DCLK2: variants seen among roughly 807,000 people sequenced by gnomAD.
DCLK2 encodes serine/threonine-protein kinase DCLK2.
DCLK2 carries 31 observed loss-of-function variants against 78.4 expected under a neutral mutation model. The observed-to-expected ratio is 0.40, with a 90% CI of 0.30 to 0.53. The LOEUF (loss-of-function observed/expected upper bound fraction) is 0.53, where lower values mean the gene tolerates loss of function less well. Ranked by LOEUF, DCLK2 falls within the 20% of genes least tolerant of loss-of-function variation. The probability of loss-of-function intolerance (pLI) is 0.61; values close to 1 mark genes in which losing one functional copy is unlikely to be tolerated. For synonymous variants in DCLK2, 407 were observed against 374.9 expected (o/e 1.09, Z -0.99); for missense variants, 872 against 973.7 (o/e 0.90, Z 1.39).
chr4:150,246,726 C>T (rs2126620861), intron 12 of DCLK2, among the ~76,000 whole-genome samples: 1 of 152,254 alleles, frequency 6.6e-6, no homozygotes, highest in Admixed American at 6.5e-5. Flanking sequence ...GGGACGTCTT[C>T]CCCAGTGGTG....
chr4:150,233,522 GA>G (rs1742238383), intron 10 of DCLK2, among the ~76,000 whole-genome samples: 1 of 152,232 alleles, frequency 6.6e-6, no homozygotes, highest in African/African-American at 2.4e-5. Flanking sequence ...AGGCTCATAG[GA>G]GACAGGAGTA....
At chr4:150,249,527 G>A (rs751585464) in intron 14 of DCLK2, 41 bp from the exon 15 acceptor site, 5 of 1,565,726 alleles carry the variant, frequency 3.2e-6, no homozygotes, top group Non-Finnish European at 4.4e-6. Flanking sequence ...CAAACGGGAG[G>A]ATGGAAAAAG....
intron 2 of DCLK2, among the ~76,000 whole-genome samples, chr4:150,164,523 A>C (rs1401802629): frequency 6.6e-6 from 1 of 152,180 alleles, no homozygotes; most frequent in African/African-American, 2.4e-5. Context: ...TAAGGGTCGG[A>C]TGTGGTGGCT....
intron 2 of DCLK2, among the ~76,000 whole-genome samples, chr4:150,130,600 T>C (rs1326484742): frequency 6.6e-6 from 1 of 152,100 alleles, no homozygotes; most frequent in Non-Finnish European, 1.5e-5. Flanking sequence ...GAGTTAAGTT[T>C]AAACAGGGGG....
In DCLK2 at chr4:150,181,290, T is replaced by C. The variant is rs532461721; in HGVS notation, c.757-11848T>C. Among the ~76,000 whole-genome samples the C allele has an allele frequency of 3.3e-5, 5 of 152,258 alleles. No individual in the cohort carries two copies. In the South Asian group the frequency reaches 1.0e-3, roughly 32 times the overall value. ...CTTTCTGCCCCTACAGTTCCAGCCT[T>C]CTTCACTTGGTGGAAAGCTCCAGAG... On this transcript the variant is annotated intron_variant, in intron 2 of 15. Coordinates refer to ENST00000296550, the MANE Select transcript of DCLK2 (RefSeq NM_001040260.4).
chr4:150,162,172 AG>A (rs1735750790), intron 2 of DCLK2, among the ~76,000 whole-genome samples: 1 of 152,114 alleles, frequency 6.6e-6, no homozygotes. Flanking sequence ...CTGGCACCAT[AG>A]GCATGCGCCA....
chr4:150,131,288 T>C (rs1341414794), intron 2 of DCLK2, among the ~76,000 whole-genome samples: 1 of 152,166 alleles, frequency 6.6e-6, no homozygotes, highest in Non-Finnish European at 1.5e-5. Flanking sequence ...TAAACAAATG[T>C]GATATTAAAA....
At chr4:150,200,470 A>G (rs1739371525) in intron 4 of DCLK2, among the ~76,000 whole-genome samples, 1 of 152,194 alleles carries the variant, frequency 6.6e-6, no homozygotes, top group Admixed American at 6.5e-5. Context: ...AAGCTACTAT[A>G]TTTATCTGTA....
chr4:150,106,450 C>G (rs1237034285), intron 2 of DCLK2, among the ~76,000 whole-genome samples: 1 of 152,078 alleles, frequency 6.6e-6, no homozygotes. Context: ...GGACACCTTT[C>G]CTTAGATGAA....
chr4:150,080,619 C>T lies in DCLK2; in HGVS notation c.421+1171C>T, dbSNP rs142380590. On this transcript the variant is annotated intron_variant, in intron 1 of 15. Transcript: ENST00000296550. ...AGATGTTTTTCTTATATTATCTCAG[C>T]ATGCTTTTCTGTCCTGAAGGCATTA... Among the ~76,000 whole-genome samples, 200 of 152,338 alleles carry T rather than the reference C, an allele frequency of 1.3e-3. 2 individuals are homozygous for T. The highest frequency in any genetic ancestry group is 4.7e-3 in the African/African-American group (194 of 41,574).
intron 2 of DCLK2, among the ~76,000 whole-genome samples, chr4:150,171,480 C>CA (rs879938396): frequency 1.1e-4 from 17 of 148,802 alleles, no homozygotes; most frequent in South Asian, 2.1e-4. Flanking sequence ...GACTCCGTCT[C>CA]AAAAAAAAAA....
At chr4:150,086,069 C>T (rs945907866) in intron 1 of DCLK2, among the ~76,000 whole-genome samples, 18 of 152,260 alleles carry the variant, frequency 1.2e-4, no homozygotes, top group Admixed American at 1.1e-3. Context: ...ACAGGAGGAT[C>T]TTTTCCATAG....
At chr4:150,180,144 A>G (rs1300572034) in intron 2 of DCLK2, among the ~76,000 whole-genome samples, 1 of 152,226 alleles carries the variant, frequency 6.6e-6, no homozygotes, top group African/African-American at 2.4e-5. Context: ...GGGAGACAGT[A>G]TGTGGTCCAA....
intron 2 of DCLK2, among the ~76,000 whole-genome samples, chr4:150,144,613 G>C (rs1375375102): frequency 6.6e-6 from 1 of 152,126 alleles, no homozygotes; most frequent in African/African-American, 2.4e-5. Flanking sequence ...TTGAGACAGA[G>C]TCTAACTCTG....
At chr4:150,129,517 G>A (rs1201919315) in intron 2 of DCLK2, among the ~76,000 whole-genome samples, 1 of 151,920 alleles carries the variant, frequency 6.6e-6, no homozygotes, top group African/African-American at 2.4e-5. Flanking sequence ...TCAAGAGATC[G>A]AGACCCATCC....
In DCLK2 at chr4:150,198,018, G is replaced by C. The variant is rs777409554; in HGVS notation, c.876G>C (p.Lys292Asn). Reference protein sequence around the residue: ...VLDHSECRVLKSSYSRSSAVK... With the variant: ...VLDHSECRVLNSSYSRSSAVK... Reference sequence around the variant, plus strand: ...CTTTTCTAGAATGTCGTGTCCTGAAGTCATCTTATTCTCGATCCTCAGCTG... The same window carrying C: ...CTTTTCTAGAATGTCGTGTCCTGAACTCATCTTATTCTCGATCCTCAGCTG... Residue 292 changes from lysine (K) to asparagine (N), a missense_variant, in exon 4 of 16, where the codon AAG becomes AAC. Physicochemically the swap from Lys to Asn is moderately conservative, Grantham distance 94. Around this residue, in one of 3 missense-constraint regions of DCLK2, gnomAD observed 567 missense variants for 593.4 expected, o/e 0.96. Transcript: ENST00000296550. 19 of 1,613,158 alleles carry C rather than the reference G, an allele frequency of 1.2e-5. No homozygotes were observed. The highest frequency in any genetic ancestry group is 1.6e-5 in the Non-Finnish European group (19 of 1,179,786).
intron 1 of DCLK2, among the ~76,000 whole-genome samples, chr4:150,096,527 C>T (rs1404019905): frequency 6.6e-6 from 1 of 151,760 alleles, no homozygotes; most frequent in Non-Finnish European, 1.5e-5. Flanking sequence ...ATGAGGGATG[C>T]CTGGGTGGGT....
At chr4:150,249,883 A>T (rs1028884444) in intron 15 of DCLK2, among the ~76,000 whole-genome samples, 199 bp downstream of exon 15, 2 of 152,126 alleles carry the variant, frequency 1.3e-5, no homozygotes, top group Non-Finnish European at 2.9e-5. Flanking sequence ...TTGTGTAGGG[A>T]CCAGCAGGCC....
chr4:150,248,185 C>A, intron 13 of DCLK2, 120 bp from the exon 14 acceptor site: 1 of 764,874 alleles, frequency 1.3e-6, no homozygotes, highest in African/African-American at 1.7e-5. Flanking sequence ...AGGTTTGAAT[C>A]AGTTAGCAGC....
Sources: gnomAD v4.1 joint callset for allele counts (sites outside exome capture counted in the v4.1 genomes callset) on GRCh38, gnomAD v4.1.1 for gene constraint, gnomAD v4.1.1 regional missense constraint, MANE v1.5 for transcripts, NCBI Gene and HGNC (gene_info 2026-07-23, HGNC 2026-07-21) for gene names.